OSBPL6: variants seen among roughly 807,000 people sequenced by gnomAD.
The protein encoded by OSBPL6 is oxysterol-binding protein-related protein 6.
OSBPL6 carries 49 observed loss-of-function variants against 125.8 expected under a neutral mutation model. The ratio of observed to expected loss-of-function variants is 0.39; its 90% confidence interval spans 0.31 to 0.49. OSBPL6 has a LOEUF of 0.49. OSBPL6 is among the 20% of genes least tolerant of loss of function. OSBPL6 has a pLI of 0.88. For synonymous variants in OSBPL6, 394 were observed against 391.8 expected (o/e 1.01, Z -0.07); for missense variants, 986 against 1,135.4 (o/e 0.87, Z 1.89).
intron 2 of OSBPL6, among the ~76,000 whole-genome samples, chr2:178,300,465 C>T (rs1176073818): frequency 1.3e-5 from 2 of 152,204 alleles, no homozygotes; most frequent in Non-Finnish European, 2.9e-5. Flanking sequence ...TGTCTGTTTA[C>T]AGCGGGGGCA....
At chr2:178,329,927 G>A (rs189072270) in intron 5 of OSBPL6, among the ~76,000 whole-genome samples, 99 of 152,278 alleles carry the variant, frequency 6.5e-4, no homozygotes, top group African/African-American at 2.3e-3. Context: ...TGTTTTAAGG[G>A]AAAGACTTAA....
intron 2 of OSBPL6, among the ~76,000 whole-genome samples, chr2:178,289,346 T>C (rs1685024830): frequency 6.6e-6 from 1 of 152,176 alleles, no homozygotes; most frequent in Non-Finnish European, 1.5e-5. Flanking sequence ...TAAAAATACA[T>C]TTCATTTGAA....
Position 178,349,293 on chromosome 2 carries a change from G to A in OSBPL6, c.1057G>A (p.Glu353Lys), listed in dbSNP as rs1182206821. The change falls in exon 12 of 25, where the codon GAA (glutamate) becomes AAA (lysine). Residue 353 changes from glutamate to lysine, a missense_variant. Coordinates refer to ENST00000190611, the MANE Select transcript of OSBPL6 (RefSeq NM_032523.4). The part of the protein sequence containing the change: ...SSNPNLCADI[E>K]FQTPPSHLTD... ...CAACCCCAACCTTTGTGCAGATATT[G>A]AATTTCAGACTCCCCCTAGCCACCT... is the stretch of plus-strand genomic sequence containing the variant. 1 of 1,614,072 alleles carries A rather than the reference G, an allele frequency of 6.2e-7. No homozygotes were observed. The highest frequency in any genetic ancestry group is 1.7e-5 in the Admixed American group (1 of 60,026).
chr2:178,224,258 A>T (rs1309028837), intron 1 of OSBPL6, among the ~76,000 whole-genome samples: 1 of 152,206 alleles, frequency 6.6e-6, no homozygotes, highest in Non-Finnish European at 1.5e-5. Flanking sequence ...GACACTAAAT[A>T]GTGAATAAGA....
chr2:178,354,736 C>T (rs1036825055), intron 12 of OSBPL6, among the ~76,000 whole-genome samples: 1 of 152,128 alleles, frequency 6.6e-6, no homozygotes, highest in Non-Finnish European at 1.5e-5. Context: ...ACCAAGCAGA[C>T]CTAATAGACA....
chr2:178,306,997 T>C (rs1404077283), intron 3 of OSBPL6, among the ~76,000 whole-genome samples: 1 of 152,232 alleles, frequency 6.6e-6, no homozygotes, highest in African/African-American at 2.4e-5. Flanking sequence ...AGCATGATTA[T>C]TTTCCATCAT....
chr2:178,346,863 C>T (rs1436976688), intron 11 of OSBPL6, among the ~76,000 whole-genome samples: 1 of 152,110 alleles, frequency 6.6e-6, no homozygotes, highest in Non-Finnish European at 1.5e-5. Flanking sequence ...CCACGTACCT[C>T]TTTTAACAAA....
At chr2:178,205,596 C>G (rs1218693200) in intron 1 of OSBPL6, among the ~76,000 whole-genome samples, 1 of 152,068 alleles carries the variant, frequency 6.6e-6, no homozygotes. Context: ...AAACAATAGA[C>G]AAATGGGACT....
At chr2:178,360,055 A>G (rs931875418) in intron 12 of OSBPL6, among the ~76,000 whole-genome samples, 2 of 149,138 alleles carry the variant, frequency 1.3e-5, no homozygotes, top group Non-Finnish European at 3.0e-5. Flanking sequence ...GCTGCACTCC[A>G]TCCTGGGTGA....
intron 1 of OSBPL6, among the ~76,000 whole-genome samples, chr2:178,247,803 T>C (rs2091548128): frequency 6.6e-6 from 1 of 152,200 alleles, no homozygotes. Flanking sequence ...TCAAATCCTC[T>C]CCATGCCCCT....
chr2:178,219,508 A>T (rs1007521091), intron 1 of OSBPL6, among the ~76,000 whole-genome samples: 5 of 152,196 alleles, frequency 3.3e-5, no homozygotes. Context: ...TTTACATGAG[A>T]ATCAATGAGG....
intron 1 of OSBPL6, among the ~76,000 whole-genome samples, chr2:178,274,678 T>A (rs771458686): frequency 2.0e-5 from 3 of 152,200 alleles, no homozygotes; most frequent in Non-Finnish European, 4.4e-5. Context: ...ACACAATGTA[T>A]GTCTACATAT....
At chr2:178,229,197 C>G (rs2090706304) in intron 1 of OSBPL6, among the ~76,000 whole-genome samples, 1 of 152,264 alleles carries the variant, frequency 6.6e-6, no homozygotes, top group East Asian at 1.9e-4. Context: ...CTCTTAATGA[C>G]CTAATCACCT....
intron 1 of OSBPL6, among the ~76,000 whole-genome samples, chr2:178,208,426 A>T (rs1349487062): frequency 1.3e-5 from 2 of 152,040 alleles, no homozygotes; most frequent in Admixed American, 6.6e-5. Flanking sequence ...CTTAAATTAG[A>T]CTCTTTCAAA....
chr2:178,375,466 G>A (rs538752122), intron 15 of OSBPL6, among the ~76,000 whole-genome samples: 3 of 152,050 alleles, frequency 2.0e-5, no homozygotes, highest in South Asian at 2.1e-4. Flanking sequence ...CTTGTTGCCC[G>A]GGCTGGAGGG....
intron 1 of OSBPL6, among the ~76,000 whole-genome samples, chr2:178,252,591 G>A (rs950631163): frequency 2.0e-5 from 3 of 152,110 alleles, no homozygotes; most frequent in African/African-American, 7.3e-5. Context: ...TGCAGAGGAG[G>A]TCAGTGGTCT....
At chr2:178,363,266 G>A (rs1003720447) in intron 13 of OSBPL6, among the ~76,000 whole-genome samples, 1 of 152,066 alleles carries the variant, frequency 6.6e-6, no homozygotes, top group Non-Finnish European at 1.5e-5. Context: ...AAAGATCTCG[G>A]GTCGGGCTTC....
intron 6 of OSBPL6, 41 bp from the exon 7 acceptor site, chr2:178,332,600 C>A: frequency 7.1e-7 from 1 of 1,416,372 alleles, no homozygotes; most frequent in South Asian, 1.2e-5. Context: ...AACATCAAAT[C>A]ATATATCCTT....
intron 1 of OSBPL6, among the ~76,000 whole-genome samples, chr2:178,224,443 T>C (rs1420740120): frequency 1.3e-5 from 2 of 152,216 alleles, no homozygotes. Context: ...ATTTTTTCAC[T>C]GAAACAGCCT....
Sources: allele counts gnomAD v4.1 joint callset (sites outside exome capture counted in the v4.1 genomes callset), GRCh38; gene constraint gnomAD v4.1.1; transcripts MANE v1.5; gene names NCBI Gene and HGNC (gene_info 2026-07-23, HGNC 2026-07-21).